The following MEF2A variants were observed in gnomAD, a reference collection of about 807,000 sequenced individuals.
MEF2A encodes the protein myocyte enhancer factor 2A.
A neutral mutation model predicts 55.8 loss-of-function variants in MEF2A; 28 were observed. The observed-to-expected ratio is 0.50, with a 90% CI of 0.37 to 0.69. The LOEUF (loss-of-function observed/expected upper bound fraction) is 0.69, where lower values mean the gene tolerates loss of function less well. Among genes scored for constraint, MEF2A ranks in the 30% least tolerant of loss-of-function variants. The pLI is 0.00. For synonymous variants in MEF2A, 239 were observed against 227.1 expected (o/e 1.05, Z -0.47); for missense variants, 528 against 626.2 (o/e 0.84, Z 1.67).
intron 4 of MEF2A, among the ~76,000 whole-genome samples, chr15:99,667,920 T>C (rs1280814884): frequency 6.6e-6 from 1 of 152,234 alleles, no homozygotes; most frequent in African/African-American, 2.4e-5. Context: ...TATTTAGTTT[T>C]TTGGGTTTCA....
chr15:99,633,954 C>T (rs374279910), intron 3 of MEF2A, among the ~76,000 whole-genome samples: 10 of 152,248 alleles, frequency 6.6e-5, no homozygotes, highest in South Asian at 2.1e-4. Context: ...GGTCCATAAG[C>T]GTAAAATGTT....
chr15:99,633,820 C>CT (rs2043307672), intron 3 of MEF2A, among the ~76,000 whole-genome samples: 1 of 152,090 alleles, frequency 6.6e-6, no homozygotes, highest in Non-Finnish European at 1.5e-5. Context: ...GGTCCATGGG[C>CT]TGGCCATCTG....
intron 7 of MEF2A, among the ~76,000 whole-genome samples, chr15:99,686,986 G>A (rs762844217): frequency 4.0e-5 from 6 of 150,578 alleles, no homozygotes; most frequent in East Asian, 1.9e-4. Context: ...ATGTGGTGGC[G>A]TGGTCTTGGC....
chr15:99,644,692 T>G (rs927321174), intron 3 of MEF2A, among the ~76,000 whole-genome samples: 5 of 152,228 alleles, frequency 3.3e-5, no homozygotes, highest in African/African-American at 1.2e-4. Flanking sequence ...CAAAAACTGT[T>G]TTTTAAACAG....
chr15:99,705,508 T>C (rs1198026424), intron 9 of MEF2A, among the ~76,000 whole-genome samples: 1 of 152,192 alleles, frequency 6.6e-6, no homozygotes, highest in Non-Finnish European at 1.5e-5. Context: ...CAAATTATTT[T>C]CCCAATGCCT....
rs950407122 is a variant in MEF2A at position 99,627,728 on chromosome 15, T to A, written c.-142-5250T>A. Among the ~76,000 whole-genome samples, 6 of 152,348 alleles carry A rather than the reference T, an allele frequency of 3.9e-5. No homozygotes were observed. In the South Asian group the frequency reaches 6.2e-4, roughly 16 times the overall value. ...GCTAGACATTACAATATTAGAAGCCTTTGAGCCATTGTCTTCCATGTGTGT... is the reference window on the plus strand; with the variant it reads ...GCTAGACATTACAATATTAGAAGCCATTGAGCCATTGTCTTCCATGTGTGT... On this transcript the variant is annotated intron_variant, in intron 2 of 11. Coordinates refer to ENST00000557942, the MANE Select transcript of MEF2A (RefSeq NM_001319206.4).
intron 8 of MEF2A, among the ~76,000 whole-genome samples, chr15:99,694,486 G>A (rs567493227): frequency 1.3e-4 from 20 of 152,236 alleles, no homozygotes; most frequent in African/African-American, 4.1e-4. Flanking sequence ...TACTACATGC[G>A]AGTGTCATGT....
chr15:99,706,701 A>T, intron 9 of MEF2A, 28 bp from the exon 10 acceptor site: 1 of 1,609,240 alleles, frequency 6.2e-7, no homozygotes, highest in Non-Finnish European at 8.5e-7. Context: ...CCACATCAGA[A>T]CACATTTTCT....
chr15:99,612,031 C>T (rs914728845), intron 2 of MEF2A, among the ~76,000 whole-genome samples: 2 of 152,088 alleles, frequency 1.3e-5, no homozygotes, highest in African/African-American at 4.8e-5. Flanking sequence ...GGAATGCCTG[C>T]TAATGAGTAT....
intron 7 of MEF2A, among the ~76,000 whole-genome samples, chr15:99,682,984 G>A (rs35441914): frequency 0.24 from 36,079 of 152,056 alleles, 4,557 homozygotes; most frequent in African/African-American, 0.3. Flanking sequence ...TACTGTTAAC[G>A]CAAAATGAAG....
chr15:99,643,448 G>C (rs148302569), intron 3 of MEF2A, among the ~76,000 whole-genome samples: 1 of 152,192 alleles, frequency 6.6e-6, no homozygotes, highest in Non-Finnish European at 1.5e-5. Context: ...TGTCATAAGT[G>C]ATAGTATTTT....
chr15:99,652,081 C>T (rs947315745), intron 4 of MEF2A, among the ~76,000 whole-genome samples: 2 of 151,874 alleles, frequency 1.3e-5, no homozygotes, highest in Non-Finnish European at 2.9e-5. Flanking sequence ...AATTTTTGAC[C>T]AATAAGAAGA....
At chr15:99,655,588 C>T (rs1257777000) in intron 4 of MEF2A, among the ~76,000 whole-genome samples, 1 of 151,962 alleles carries the variant, frequency 6.6e-6, no homozygotes, top group South Asian at 2.1e-4. Flanking sequence ...AAGTGTGTAG[C>T]TTTTAAAACT....
chr15:99,657,951 G>A (rs1169831660), intron 4 of MEF2A, among the ~76,000 whole-genome samples: 3 of 152,118 alleles, frequency 2.0e-5, no homozygotes, highest in Admixed American at 2.0e-4. Context: ...CTGTTAACTG[G>A]GGGAAGCAAA....
At chr15:99,652,481 T>C (rs1472469377) in intron 4 of MEF2A, among the ~76,000 whole-genome samples, 1 of 152,126 alleles carries the variant, frequency 6.6e-6, no homozygotes, top group Non-Finnish European at 1.5e-5. Context: ...TTAAAGGTTA[T>C]GGTAGGTGGA....
intron 4 of MEF2A, among the ~76,000 whole-genome samples, chr15:99,649,864 A>G (rs1388727286): frequency 6.6e-6 from 1 of 152,224 alleles, no homozygotes; most frequent in Admixed American, 6.5e-5. Flanking sequence ...ACACCTGAGA[A>G]TACTTTTGTA....
chr15:99,681,548 C>T (rs925261951), intron 7 of MEF2A, among the ~76,000 whole-genome samples: 2 of 152,172 alleles, frequency 1.3e-5, no homozygotes, highest in Non-Finnish European at 2.9e-5. Context: ...CATGAAGATG[C>T]TGAAGTTTCT....
intron 7 of MEF2A, among the ~76,000 whole-genome samples, chr15:99,689,567 G>A (rs757371195): frequency 3.9e-5 from 6 of 152,238 alleles, no homozygotes; most frequent in South Asian, 4.1e-4. Flanking sequence ...GGCAACCTCC[G>A]TCTCCCGGGT....
chr15:99,691,500 C>G (rs1335696703), intron 8 of MEF2A, among the ~76,000 whole-genome samples: 1 of 152,076 alleles, frequency 6.6e-6, no homozygotes, highest in Admixed American at 6.5e-5. Context: ...GAGTTCAAGA[C>G]CAGCCTGGCC....
Sources: allele counts gnomAD v4.1 joint callset (sites outside exome capture counted in the v4.1 genomes callset), GRCh38; gene constraint gnomAD v4.1.1; transcripts MANE v1.5; gene names NCBI Gene and HGNC (gene_info 2026-07-23, HGNC 2026-07-21).